Variants in TMEM161B observed in about 807,000 individuals in gnomAD.
The protein encoded by TMEM161B is transmembrane protein 161B.
In TMEM161B, 34 loss-of-function variants were observed where a neutral mutation model predicts 61.8. That is an observed-to-expected ratio of 0.55 (90% confidence interval 0.42 to 0.73). TMEM161B has a LOEUF of 0.73. Ranked by LOEUF, TMEM161B falls within the 30% of genes least tolerant of loss-of-function variation. The pLI is 0.00. For synonymous variants in TMEM161B, 167 were observed against 192.8 expected (o/e 0.87, Z 1.11); for missense variants, 456 against 558.5 (o/e 0.82, Z 1.85).
At position 88,196,049 on chromosome 5, in the gene TMEM161B, A is replaced by T. The variant is rs1749567476; in HGVS notation, c.*162T>A. 1 of 1,408,412 alleles carries T rather than the reference A, an allele frequency of 7.1e-7. No homozygotes were observed. The highest frequency in any genetic ancestry group is 9.2e-7 in the Non-Finnish European group (1 of 1,085,898). 87.2% of individuals were successfully genotyped at this position (1,408,412 alleles called of 1,614,324 possible). Reference sequence around the variant, plus strand: ...TTGTAATTTTAAATATTACTACATTAATTCACCCTGAGAATACAGAGGAAA... The same window carrying T: ...TTGTAATTTTAAATATTACTACATTTATTCACCCTGAGAATACAGAGGAAA... On this transcript the variant is annotated 3_prime_UTR_variant, in exon 12 of 12. Transcript: ENST00000296595.
At chr5:88,203,213 A>G in intron 8 of TMEM161B, 138 bp from the exon 9 acceptor site, 1 of 553,572 alleles carries the variant, frequency 1.8e-6, no homozygotes, top group Non-Finnish European at 3.2e-6. Context: ...TGTCACCATC[A>G]TTTTATATTT....
At chr5:88,189,233 C>T (rs1213642150), downstream of TMEM161B, among the ~76,000 whole-genome samples, 2 of 151,742 alleles carry the variant, frequency 1.3e-5, no homozygotes, top group African/African-American at 4.8e-5. Flanking sequence ...TTTTTTAACC[C>T]TACCTCAGTC....
At chr5:88,213,864 A>G (rs1177538635) in intron 5 of TMEM161B, among the ~76,000 whole-genome samples, 1 of 152,202 alleles carries the variant, frequency 6.6e-6, no homozygotes, top group Non-Finnish European at 1.5e-5. Flanking sequence ...CTCAGATTCA[A>G]TAACTCTGAG....
intron 1 of TMEM161B, among the ~76,000 whole-genome samples, chr5:88,263,449 T>C (rs966889139): frequency 6.6e-6 from 1 of 152,212 alleles, no homozygotes; most frequent in African/African-American, 2.4e-5. Context: ...TTTTTAAAGT[T>C]TGGTGAAACA....
At chr5:88,197,255 C>G (rs987053949) in intron 11 of TMEM161B, among the ~76,000 whole-genome samples, 1 of 152,052 alleles carries the variant, frequency 6.6e-6, no homozygotes, top group East Asian at 1.9e-4. Flanking sequence ...TTCACCGTTT[C>G]GATGTAAGTT....
chr5:88,219,560 T>C (rs1173097557), intron 5 of TMEM161B, among the ~76,000 whole-genome samples: 2 of 151,902 alleles, frequency 1.3e-5, no homozygotes, highest in African/African-American at 4.8e-5. Context: ...AGCACAAGGA[T>C]AAAATGTCAG....
chr5:88,210,231 C>A (rs1351999930), intron 5 of TMEM161B, among the ~76,000 whole-genome samples: 4 of 152,144 alleles, frequency 2.6e-5, no homozygotes, highest in Non-Finnish European at 4.4e-5. Context: ...TAGTTCTCAG[C>A]AACAACTTAA....
chr5:88,253,237 T>C (rs1452784467), intron 1 of TMEM161B, among the ~76,000 whole-genome samples: 8 of 152,196 alleles, frequency 5.3e-5, no homozygotes, highest in Non-Finnish European at 1.0e-4. Context: ...CTGGAGGGAA[T>C]ACTTAACTTA....
intron 1 of TMEM161B, among the ~76,000 whole-genome samples, chr5:88,264,291 C>CCT (rs1756067065): frequency 6.6e-6 from 1 of 152,102 alleles, no homozygotes; most frequent in African/African-American, 2.4e-5. Context: ...ACAGACACTT[C>CCT]TCAAAAGAAG....
intron 1 of TMEM161B, among the ~76,000 whole-genome samples, chr5:88,260,103 G>A (rs1755501432): frequency 6.6e-6 from 1 of 152,216 alleles, no homozygotes; most frequent in African/African-American, 2.4e-5. Context: ...TAAGTGGAAT[G>A]TAGAATAATA....
At chr5:88,204,849 T>TA (rs33955317) in intron 8 of TMEM161B, among the ~76,000 whole-genome samples, 43,171 of 143,670 alleles carry the variant, frequency 0.3, 7,166 homozygotes, top group African/African-American at 0.45. Flanking sequence ...GAAGTGAGGT[T>TA]AAAAAAAAAA....
chr5:88,187,695 G>C (rs991495146), downstream of TMEM161B, among the ~76,000 whole-genome samples: 6 of 152,014 alleles, frequency 3.9e-5, no homozygotes, highest in South Asian at 1.2e-3. Flanking sequence ...ATGGGTTACT[G>C]TTTTTATTTC....
chr5:88,217,905 GAAA>G (rs5869420), intron 5 of TMEM161B, among the ~76,000 whole-genome samples: 2 of 134,014 alleles, frequency 1.5e-5, no homozygotes, highest in African/African-American at 2.8e-5. Context: ...ATACTAGGCA[GAAA>G]AAAAAAAAAA....
chr5:88,202,861 A>G, intron 9 of TMEM161B, 101 bp downstream of exon 9: 1 of 814,706 alleles, frequency 1.2e-6, no homozygotes, highest in Admixed American at 2.1e-5. Flanking sequence ...TGTCTGAAAA[A>G]TACAGTGTCC....
Position 88,220,738 on chromosome 5 carries a change from A to AAGGTC in TMEM161B, c.290-20_290-19insGACCT. The AAGGTC allele has an allele frequency of 6.6e-7, 1 of 1,514,704 alleles. No individual in the cohort carries two copies. Among genetic ancestry groups the AAGGTC allele is most frequent in the Non-Finnish European group, 8.8e-7 (1 of 1,138,512 alleles). 93.8% of individuals were successfully genotyped at this position (1,514,704 alleles called of 1,614,324 possible). On this transcript the variant is annotated intron_variant, in intron 4 of 11. Coordinates refer to ENST00000296595, the MANE Select transcript of TMEM161B (RefSeq NM_153354.5). ...TGCAATGCTGGAAAGAAAAAAAAAA[A>AAGGTC]AAAAAAAAAAAAAGGTCAAAAAAAA...
chr5:88,188,830 G>T (rs1409596759), downstream of TMEM161B, among the ~76,000 whole-genome samples: 1 of 152,186 alleles, frequency 6.6e-6, no homozygotes, highest in South Asian at 2.1e-4. Flanking sequence ...TAGAGTTGGG[G>T]GGGGTGGTTA....
intron 5 of TMEM161B, among the ~76,000 whole-genome samples, chr5:88,211,686 G>A (rs1040320786): frequency 3.3e-5 from 5 of 151,242 alleles, no homozygotes; most frequent in African/African-American, 1.2e-4. Flanking sequence ...AAGGAGAATT[G>A]CTTGAATCCA....
rs1342572270 is a variant in TMEM161B at position 88,230,302 on chromosome 5, G to A, written c.108-1774C>T. Among the ~76,000 whole-genome samples, 3 of 151,996 alleles carry A rather than the reference G, an allele frequency of 2.0e-5. No individual in the cohort carries two copies. In the East Asian group the frequency reaches 5.8e-4, roughly 29 times the overall value. ...ATTTTAGGTATGATAATGAGATTGTGGTAATTTTTAAAAATCTCATTATTT... is the reference window on the plus strand; with the variant it reads ...ATTTTAGGTATGATAATGAGATTGTAGTAATTTTTAAAAATCTCATTATTT... On this transcript the variant is annotated intron_variant, in intron 2 of 11. Transcript: ENST00000296595.
In TMEM161B at chr5:88,240,798, C is replaced by T. The variant is rs1404966172; in HGVS notation, c.107+15G>A. The T allele has an allele frequency of 1.9e-6, 3 of 1,583,644 alleles. No individual in the cohort carries two copies. Among genetic ancestry groups the T allele is most frequent in the Non-Finnish European group, 2.6e-6 (3 of 1,153,242 alleles). The stretch of plus-strand genomic sequence containing the variant: ...ATTGAAAGTGTCAGTTGAAATCAGC[C>T]TATCCTTGCCTTACCTGCCATTACA... On this transcript the variant is annotated intron_variant, in intron 2 of 11. Transcript: ENST00000296595.
Sources: allele counts gnomAD v4.1 joint callset (sites outside exome capture counted in the v4.1 genomes callset), GRCh38; gene constraint gnomAD v4.1.1; transcripts MANE v1.5; gene names NCBI Gene and HGNC (gene_info 2026-07-23, HGNC 2026-07-21).